Variants in CSMD2 observed in about 807,000 individuals in gnomAD.
The protein encoded by CSMD2 is CUB and Sushi multiple domains 2.
In CSMD2, 130 loss-of-function variants were observed where a neutral mutation model predicts 398.5. The observed-to-expected ratio is 0.33, with a 90% CI of 0.28 to 0.38. The LOEUF is 0.38. CSMD2 is among the 10% of genes least tolerant of loss of function. The pLI is 1.00. For missense variants in CSMD2, 3,829 were observed against 4,764.9 expected, an observed-to-expected ratio of 0.80 and a Z score of 5.78; for synonymous variants, 1,828 against 1,908.5, an observed-to-expected ratio of 0.96 and a Z score of 1.10.
chr1:33,829,043 G>T (rs965304156), intron 6 of CSMD2, among the ~76,000 whole-genome samples: 1 of 152,204 alleles, frequency 6.6e-6, no homozygotes, highest in Non-Finnish European at 1.5e-5. Flanking sequence ...GGTCTGAGAG[G>T]TTATATCACC....
intron 9 of CSMD2, among the ~76,000 whole-genome samples, chr1:33,816,931 A>G (rs1003951316): frequency 6.6e-6 from 1 of 152,218 alleles, no homozygotes; most frequent in Non-Finnish European, 1.5e-5. Context: ...TAACTGCATT[A>G]AAGAAAAAAT....
Position 34,054,459 on chromosome 1 carries a change from T to C in CSMD2, c.405-21753A>G, listed in dbSNP as rs144693140. 8.4e-3 allele frequency among the ~76,000 whole-genome samples: 1,283 copies of C among 152,252 alleles called. 20 individuals are homozygous for C. Among genetic ancestry groups the C allele is most frequent in the African/African-American group, 0.029 (1,216 of 41,560 alleles). On this transcript the variant is annotated intron_variant, in intron 2 of 70. Coordinates refer to ENST00000373381, the MANE Select transcript of CSMD2 (RefSeq NM_001281956.2). ...GTTTCTGGCCAGGTGCGGTGGCTCA[T>C]GCCTGTAATCCCTGAACTTTGGGAG...
chr1:33,987,961 C>T (rs1302300300), intron 3 of CSMD2, among the ~76,000 whole-genome samples: 1 of 152,204 alleles, frequency 6.6e-6, no homozygotes, highest in Admixed American at 6.5e-5. Context: ...CTCCTTGTCT[C>T]CCATTCCTCA....
intron 47 of CSMD2, among the ~76,000 whole-genome samples, chr1:33,582,197 A>G (rs1638773364): frequency 6.6e-6 from 1 of 152,194 alleles, no homozygotes; most frequent in African/African-American, 2.4e-5. Flanking sequence ...CACAGAGGCC[A>G]GGTGGAATTA....
chr1:33,937,024 G>A lies in CSMD2; in HGVS notation c.518-1070C>T, dbSNP rs537492106. ...CTGAAATCTTACCACCTGTGGGACC[G>A]TGAGTAAGTCTTTTAACCTTTTTGC... On this transcript the variant is annotated intron_variant, in intron 3 of 70. Coordinates refer to ENST00000373381, the MANE Select transcript of CSMD2 (RefSeq NM_001281956.2). 5.9e-5 allele frequency among the ~76,000 whole-genome samples: 9 copies of A among 152,320 alleles called. No homozygotes were observed. In the South Asian group the frequency reaches 1.5e-3, roughly 25 times the overall value.
intron 1 of CSMD2, among the ~76,000 whole-genome samples, chr1:34,128,610 C>A (rs1322298796): frequency 6.6e-6 from 1 of 152,186 alleles, no homozygotes; most frequent in African/African-American, 2.4e-5. Context: ...CTGAAGGACC[C>A]ACACAGCCTG....
At position 33,938,713 on chromosome 1, in the gene CSMD2, C is replaced by T. The variant is rs184764325; in HGVS notation, c.518-2759G>A. 4.8e-4 allele frequency among the ~76,000 whole-genome samples: 71 copies of T among 148,494 alleles called. 1 individual carries two copies. In the East Asian group the frequency reaches 0.011, roughly 22 times the overall value. On this transcript the variant is annotated intron_variant, in intron 3 of 70. Transcript: ENST00000373381. ...TGTTTCCCATGATCCTGTACTGCTG[C>T]TGGCTTACTTGGCATTTCCTATGAT... is the stretch of plus-strand genomic sequence containing the variant.
chr1:33,854,079 T>C (rs1446805888), intron 5 of CSMD2, among the ~76,000 whole-genome samples: 1 of 152,206 alleles, frequency 6.6e-6, no homozygotes, highest in Non-Finnish European at 1.5e-5. Flanking sequence ...TCTTGATCCA[T>C]CCCCATTCTT....
At chr1:33,561,081 T>C (rs2336246) in intron 53 of CSMD2, among the ~76,000 whole-genome samples, 18,661 of 152,174 alleles carry the variant, frequency 0.12, 1,565 homozygotes, top group African/African-American at 0.23. Flanking sequence ...TGTCCAATAC[T>C]TAAATCCATG....
rs61801993 is a variant in CSMD2 at position 33,537,079 on chromosome 1, C to A, written c.9822G>T (p.Thr3274=). 3,852 of 1,614,034 alleles carry A rather than the reference C, an allele frequency of 2.4e-3. 12 individuals carry two copies. The highest frequency in any genetic ancestry group is 3.1e-3 in the Non-Finnish European group (3,611 of 1,180,026). Residue 3274 remains threonine (T), a synonymous_variant, in exon 62 of 71, where the codon ACG becomes ACT. Coordinates refer to ENST00000373381, the MANE Select transcript of CSMD2 (RefSeq NM_001281956.2). The surrounding 1 kb of genome is among the most constrained non-coding windows in gnomAD (Gnocchi z 4.6). ...ACTGTGGCACACCAGGGTCCGCACACGTGGTCAGGGTCGGATCTGGATGGC... is the reference window on the plus strand; with the variant it reads ...ACTGTGGCACACCAGGGTCCGCACAAGTGGTCAGGGTCGGATCTGGATGGC... ...QPSCIDPTLT[T]CADPGVPQFG...
chr1:33,652,161 T>C (rs758646092), intron 28 of CSMD2, among the ~76,000 whole-genome samples, 162 bp downstream of exon 28: 3 of 152,206 alleles, frequency 2.0e-5, no homozygotes, highest in African/African-American at 7.2e-5. Flanking sequence ...GCTTGGCACG[T>C]AGATGTTCAA....
In CSMD2 at chr1:33,937,842, G is replaced by A. The variant is rs369600294; in HGVS notation, c.518-1888C>T. Among the ~76,000 whole-genome samples, 198 of 152,334 alleles carry A rather than the reference G, an allele frequency of 1.3e-3. 2 individuals are homozygous for A. Among genetic ancestry groups the A allele is most frequent in the Middle Eastern group, 3.4e-3 (1 of 294 alleles). On this transcript the variant is annotated intron_variant, in intron 3 of 70. Transcript: ENST00000373381. ...ATAAATGCTGCATGCCTGGCACAAC[G>A]CCCAGAACATAGTAGGTGCTCACAA...
chr1:34,109,517 TAC>T (rs1034744025), intron 1 of CSMD2, among the ~76,000 whole-genome samples: 2 of 152,210 alleles, frequency 1.3e-5, no homozygotes, highest in African/African-American at 4.8e-5. Context: ...CCAGAGTTTT[TAC>T]AGTTTTTGGT....
chr1:33,646,009 A>C (rs1452361078), intron 29 of CSMD2, among the ~76,000 whole-genome samples: 1 of 152,330 alleles, frequency 6.6e-6, no homozygotes, highest in East Asian at 1.9e-4. Context: ...GTAAACCTAC[A>C]ATATTTACTA....
intron 27 of CSMD2, among the ~76,000 whole-genome samples, chr1:33,655,856 A>T (rs1427266178): frequency 2.0e-5 from 3 of 152,176 alleles, no homozygotes; most frequent in Non-Finnish European, 4.4e-5. Flanking sequence ...AGAACGGGTG[A>T]TGAAAACTGA....
At chr1:33,729,301 G>A (rs1436524237) in intron 15 of CSMD2, among the ~76,000 whole-genome samples, 2 of 152,120 alleles carry the variant, frequency 1.3e-5, no homozygotes, top group Non-Finnish European at 2.9e-5. Context: ...TTTCTCTGCT[G>A]TGTTGCTTCA....
At chr1:33,795,202 C>T (rs1038553918) in intron 10 of CSMD2, among the ~76,000 whole-genome samples, 4 of 151,554 alleles carry the variant, frequency 2.6e-5, no homozygotes, top group South Asian at 2.1e-4. Context: ...CTAGGTGAGG[C>T]GGGGTGTGAG....
chr1:33,922,610 T>C (rs182941268), intron 4 of CSMD2, among the ~76,000 whole-genome samples: 1 of 152,128 alleles, frequency 6.6e-6, no homozygotes, highest in African/African-American at 2.4e-5. Flanking sequence ...AAAATCACTC[T>C]CATCCTTTCC....
intron 1 of CSMD2, among the ~76,000 whole-genome samples, chr1:34,149,497 G>T (rs1467685419): frequency 2.6e-5 from 4 of 152,172 alleles, no homozygotes; most frequent in African/African-American, 9.7e-5. Context: ...CCAGAATAAT[G>T]GGAATTAGTA....
Sources: allele counts gnomAD v4.1 joint callset (sites outside exome capture counted in the v4.1 genomes callset), GRCh38; gene constraint gnomAD v4.1.1; non-coding constraint Gnocchi (gnomAD v3.1); transcripts MANE v1.5; gene names NCBI Gene and HGNC (gene_info 2026-07-23, HGNC 2026-07-21).